The following ATP2B1 variants were observed in gnomAD, a reference collection of about 807,000 sequenced individuals.
The protein encoded by ATP2B1 is plasma membrane calcium-transporting ATPase 1.
ATP2B1 carries 14 observed loss-of-function variants against 124.2 expected under a neutral mutation model. The observed-to-expected ratio is 0.11, with a 90% CI of 0.07 to 0.18. ATP2B1 has a LOEUF of 0.18. Ranked by LOEUF, ATP2B1 falls within the 10% of genes least tolerant of loss-of-function variation. The probability of loss-of-function intolerance (pLI) is 1.00; values close to 1 mark genes in which losing one functional copy is unlikely to be tolerated. For synonymous variants in ATP2B1, 449 were observed against 492.4 expected (o/e 0.91, Z 1.17); for missense variants, 763 against 1,466.1 (o/e 0.52, Z 7.83).
In ATP2B1 at chr12:89,601,439, G is replaced by T; in HGVS notation, c.3061-6C>A. The stretch of plus-strand genomic sequence containing the variant: ...CCAAACTGCACAATTATTATCTGGA[G>T]GAATAATCAAGAGTAAATTTACTTA... On this transcript the variant is annotated splice_region_variant and splice_polypyrimidine_tract_variant and intron_variant, in intron 18 of 20. Transcript: ENST00000428670. The T allele has an allele frequency of 6.7e-7, 1 of 1,494,186 alleles. No homozygotes were observed. The highest frequency in any genetic ancestry group is 9.0e-7 in the Non-Finnish European group (1 of 1,114,788). 92.6% of individuals were successfully genotyped at this position (1,494,186 alleles called of 1,614,324 possible).
Position 89,630,487 on chromosome 12 carries a change from G to A in ATP2B1, c.928+18C>T. The A allele has an allele frequency of 1.3e-6, 2 of 1,517,790 alleles. No individual in the cohort carries two copies. The highest frequency in any genetic ancestry group is 5.0e-5 in the East Asian group (2 of 40,388). The allele number at this position is 1,517,790 out of a possible 1,614,324, so 94.0% of individuals were successfully genotyped here. Reference sequence around the variant, plus strand: ...GCCCTATTTCCAAATACCAATTATAGAAAATTGTTATTCTTACTTTTCTTT... The same window carrying A: ...GCCCTATTTCCAAATACCAATTATAAAAAATTGTTATTCTTACTTTTCTTT... On this transcript the variant is annotated intron_variant, in intron 6 of 20. Transcript: ENST00000428670.
At chr12:89,646,086 T>C (rs1884408258) in intron 2 of ATP2B1, among the ~76,000 whole-genome samples, 1 of 151,948 alleles carries the variant, frequency 6.6e-6, no homozygotes, top group South Asian at 2.1e-4. Context: ...AATGTTTTTG[T>C]TTTTGTTTTT....
chr12:89,610,755 T>C (rs1454552053), intron 13 of ATP2B1: 1 of 437,502 alleles, frequency 2.3e-6, no homozygotes, highest in African/African-American at 2.0e-5. Flanking sequence ...TACTCAAGTT[T>C]AAAAGCCACT....
chr12:89,648,729 A>G (rs1422243766), intron 2 of ATP2B1, among the ~76,000 whole-genome samples: 1 of 152,376 alleles, frequency 6.6e-6, no homozygotes, highest in Admixed American at 6.5e-5. Context: ...AAAGGCCTCG[A>G]AGGCATTTCA....
At chr12:89,669,724 TA>T in intron 1 of ATP2B1, among the ~76,000 whole-genome samples, 1 of 152,330 alleles carries the variant, frequency 6.6e-6, no homozygotes, top group African/African-American at 2.4e-5. Flanking sequence ...TGATAATTAA[TA>T]GTAATATTTT....
intron 15 of ATP2B1, among the ~76,000 whole-genome samples, chr12:89,608,205 G>A (rs1290882327): frequency 7.9e-5 from 12 of 152,262 alleles, no homozygotes; most frequent in Middle Eastern, 3.4e-3. Context: ...GTCTCGCTCT[G>A]TCACCTAGGC....
At chr12:89,677,723 T>C (rs988585134) in intron 1 of ATP2B1, among the ~76,000 whole-genome samples, 4 of 151,968 alleles carry the variant, frequency 2.6e-5, no homozygotes, top group African/African-American at 9.7e-5. Context: ...TCTTAGACAG[T>C]ATCATAAAAT....
chr12:89,655,878 G>A lies in ATP2B1; in HGVS notation c.9C>T (p.Asp3=), dbSNP rs767573805. The change falls in exon 2 of 21, where the codon GAC becomes GAT. Residue 3 remains aspartate (D), a synonymous_variant. Coordinates refer to ENST00000428670, the MANE Select transcript of ATP2B1 (RefSeq NM_001366521.1). ...TGTAAGCAACTGAGTTGTTTGCCATGTCGCCCATTACAAGTATAATATATC... is the reference window on the plus strand; with the variant it reads ...TGTAAGCAACTGAGTTGTTTGCCATATCGCCCATTACAAGTATAATATATC... The part of the protein sequence containing the change: MG[D]MANNSVAYSG... The A allele has an allele frequency of 6.3e-7, 1 of 1,592,420 alleles. No homozygotes were observed. The highest frequency in any genetic ancestry group is 8.6e-7 in the Non-Finnish European group (1 of 1,166,900).
rs1873090710 is a variant in ATP2B1, at chr12:89,589,006, A to T, written c.*1978T>A. 1 of 152,496 alleles carries T rather than the reference A, an allele frequency of 6.6e-6. No individual in the cohort carries two copies. The highest frequency in any genetic ancestry group is 6.6e-5 in the Admixed American group (1 of 15,250). 9.4% of individuals were successfully genotyped at this position (152,496 alleles called of 1,614,324 possible). On this transcript the variant is annotated 3_prime_UTR_variant, in exon 21 of 21. Coordinates refer to ENST00000428670, the MANE Select transcript of ATP2B1 (RefSeq NM_001366521.1). ...AACCAAGACTAGAAACCAGGTCTTGACTCCTAGTCTAATATGCTTTCCAGC... is the reference window on the plus strand; with the variant it reads ...AACCAAGACTAGAAACCAGGTCTTGTCTCCTAGTCTAATATGCTTTCCAGC...
At chr12:89,686,618 T>C (rs1186738923) in intron 1 of ATP2B1, among the ~76,000 whole-genome samples, 1 of 152,084 alleles carries the variant, frequency 6.6e-6, no homozygotes, top group African/African-American at 2.4e-5. Flanking sequence ...TAAATGAATG[T>C]TATGGCCAAC....
intron 1 of ATP2B1, among the ~76,000 whole-genome samples, chr12:89,679,698 G>C (rs765335822): frequency 6.6e-6 from 1 of 152,116 alleles, no homozygotes; most frequent in Non-Finnish European, 1.5e-5. Flanking sequence ...GGAGAGGGGA[G>C]GCTTAAGACT....
At position 89,621,739 on chromosome 12, in the gene ATP2B1, A is replaced by G; in HGVS notation, c.1397T>C (p.Met466Thr). 1 of 1,607,218 alleles carries G rather than the reference A, an allele frequency of 6.2e-7. No homozygotes were observed. Among genetic ancestry groups the G allele is most frequent in the Non-Finnish European group, 8.5e-7 (1 of 1,176,720 alleles). Residue 466 changes from methionine (M) to threonine (T), a missense_variant, in exon 10 of 21, where the codon ATG becomes ACG. By Grantham distance (81) the Met-to-Thr change is moderately conservative. Around this residue, in one of 7 missense-constraint regions of ATP2B1, gnomAD observed 392 missense variants for 776.6 expected, o/e 0.50. Coordinates refer to ENST00000428670, the MANE Select transcript of ATP2B1 (RefSeq NM_001366521.1). The stretch of plus-strand genomic sequence containing the variant: ...TGAACAAATAGCTGTAGCATTTCCC[A>G]TGGTTTCACAAGCATCCAGATGCCT... ...LVRHLDACET[M>T]GNATAICSDK...
intron 19 of ATP2B1, 121 bp downstream of exon 19, chr12:89,601,205 T>A: frequency 1.4e-6 from 1 of 697,130 alleles, no homozygotes; most frequent in Non-Finnish European, 2.4e-6. Flanking sequence ...TTGAATGCCC[T>A]CTCTTTACTC....
At chr12:89,700,334 CT>C in intron 1 of ATP2B1, among the ~76,000 whole-genome samples, 1 of 152,192 alleles carries the variant, frequency 6.6e-6, no homozygotes, top group South Asian at 2.1e-4. Flanking sequence ...GTTTTCAGCC[CT>C]CTATTTGCAC....
chr12:89,652,093 G>A (rs959962772), intron 2 of ATP2B1, among the ~76,000 whole-genome samples: 2 of 151,936 alleles, frequency 1.3e-5, no homozygotes, highest in South Asian at 2.1e-4. Flanking sequence ...AACATGTATC[G>A]CCAACACACT....
At chr12:89,659,456 G>T (rs1253429728) in intron 1 of ATP2B1, among the ~76,000 whole-genome samples, 1 of 152,006 alleles carries the variant, frequency 6.6e-6, no homozygotes, top group Non-Finnish European at 1.5e-5. Context: ...CAATAAGGTG[G>T]ATTTTTACTG....
chr12:89,686,166 C>T (rs904884143), intron 1 of ATP2B1, among the ~76,000 whole-genome samples: 1 of 152,022 alleles, frequency 6.6e-6, no homozygotes, highest in Admixed American at 6.6e-5. Context: ...CTAAAATTTC[C>T]TTCAGCATGT....
chr12:89,707,563 T>C lies in ATP2B1; in HGVS notation c.-222+1033A>G, dbSNP rs746283611. On this transcript the variant is annotated intron_variant, in intron 1 of 20. Coordinates refer to ENST00000428670, the MANE Select transcript of ATP2B1 (RefSeq NM_001366521.1). ...AAGTAGCGGGCACAGAAGCGAAAGG[T>C]GGCTGTCTGCAGCGCTCTAACCCAA... Among the ~76,000 whole-genome samples the C allele has an allele frequency of 2.0e-5, 3 of 152,230 alleles. No homozygotes were observed. The East Asian group carries it at 5.8e-4, about 29-fold the overall frequency.
chr12:89,703,361 G>A (rs1180091824), intron 1 of ATP2B1, among the ~76,000 whole-genome samples: 1 of 152,164 alleles, frequency 6.6e-6, no homozygotes, highest in Non-Finnish European at 1.5e-5. Context: ...CTGTTTTAAT[G>A]CATAAAATAG....
Sources: gnomAD v4.1 joint callset for allele counts (sites outside exome capture counted in the v4.1 genomes callset) on GRCh38, gnomAD v4.1.1 for gene constraint, gnomAD v4.1.1 regional missense constraint, MANE v1.5 for transcripts, NCBI Gene and HGNC (gene_info 2026-07-23, HGNC 2026-07-21) for gene names.